Variants in LOC400499 observed in about 807,000 individuals in gnomAD.
chr16:11,523,349 T>C, the LOC400499 span: 398 of 398,556 alleles, frequency 1.0e-3, no homozygotes, highest in African/African-American at 4.5e-3. Context: ...TTCACTCCCA[T>C]TGGGCCCTGT....
the LOC400499 span, among the ~76,000 whole-genome samples, chr16:11,507,721 C>T: frequency 1.3e-5 from 2 of 152,102 alleles, no homozygotes; most frequent in African/African-American, 2.4e-5. Flanking sequence ...TGTTTGTGTC[C>T]AGAAGTTCAA....
the LOC400499 span, among the ~76,000 whole-genome samples, chr16:11,486,093 C>T: frequency 0.42 from 59,142 of 139,966 alleles, 13,593 homozygotes; most frequent in African/African-American, 0.65. Flanking sequence ...GATGGATGGA[C>T]GGATAGATGG....
the LOC400499 span, chr16:11,383,647 T>G: frequency 1.6e-6 from 2 of 1,232,028 alleles, no homozygotes; most frequent in Non-Finnish European, 2.0e-6. Context: ...CTTACCACAC[T>G]GTGGAGGAGG....
the LOC400499 span, among the ~76,000 whole-genome samples, chr16:11,463,177 C>A: frequency 1.3e-5 from 2 of 152,198 alleles, no homozygotes; most frequent in African/African-American, 4.8e-5. Context: ...CACGGCCCCG[C>A]AAAGAAGATT....
the LOC400499 span, among the ~76,000 whole-genome samples, chr16:11,483,006 T>C: frequency 6.6e-6 from 1 of 151,974 alleles, no homozygotes; most frequent in East Asian, 1.9e-4. Flanking sequence ...AGCAAAAGAT[T>C]TGAATGTACA....
chr16:11,456,838 G>A, the LOC400499 span: 1 of 1,536,178 alleles, frequency 6.5e-7, no homozygotes, highest in South Asian at 1.2e-5. Flanking sequence ...TAGCCAAGGA[G>A]GCCCCACAGC....
chr16:11,487,286 C>G, the LOC400499 span: 18 of 398,886 alleles, frequency 4.5e-5, no homozygotes, highest in Non-Finnish European at 8.0e-5. Context: ...AGGCACGGCC[C>G]ATGGTGTGGA....
At chr16:11,487,311 G>A in the LOC400499 span, 6 of 399,208 alleles carry the variant, frequency 1.5e-5, no homozygotes, top group Non-Finnish European at 2.2e-5. Context: ...CAGGTTGACT[G>A]TGGCAGAACG....
chr16:11,377,415 CTT>C, the LOC400499 span, among the ~76,000 whole-genome samples: 1 of 152,152 alleles, frequency 6.6e-6, no homozygotes, highest in African/African-American at 2.4e-5. Flanking sequence ...TCTTGGAAAA[CTT>C]TGTCTTCATC....
the LOC400499 span, among the ~76,000 whole-genome samples, chr16:11,410,044 T>G: frequency 6.6e-6 from 1 of 152,186 alleles, no homozygotes; most frequent in South Asian, 2.1e-4. Context: ...CTCCAGAGGC[T>G]GAGGCAGGAG....
chr16:11,423,735 G>C, the LOC400499 span, among the ~76,000 whole-genome samples: 2 of 152,206 alleles, frequency 1.3e-5, no homozygotes, highest in Non-Finnish European at 2.9e-5. Context: ...ACAGCTGCGG[G>C]TGTGAGGCTT....
chr16:11,421,042 T>C, the LOC400499 span, among the ~76,000 whole-genome samples: 1 of 152,150 alleles, frequency 6.6e-6, no homozygotes, highest in South Asian at 2.1e-4. Context: ...CCATCCACCC[T>C]GGGCCACACC....
At chr16:11,446,726 G>A in the LOC400499 span, 2 of 1,534,016 alleles carry the variant, frequency 1.3e-6, no homozygotes, top group African/African-American at 1.4e-5. Context: ...CCCCTTCCGG[G>A]CTATGCCCCA....
At chr16:11,447,925 C>G in the LOC400499 span, 1 of 1,532,684 alleles carries the variant, frequency 6.5e-7, no homozygotes, top group East Asian at 2.4e-5. Flanking sequence ...GCAGAAGGGG[C>G]GCACATACCT....
At chr16:11,447,781 G>A in the LOC400499 span, among the ~76,000 whole-genome samples, 5 of 152,088 alleles carry the variant, frequency 3.3e-5, no homozygotes, top group Admixed American at 2.0e-4. Context: ...AGGGGAGGTG[G>A]CTCTTCTCTG....
the LOC400499 span, among the ~76,000 whole-genome samples, chr16:11,506,875 C>T: frequency 3.3e-5 from 5 of 152,318 alleles, no homozygotes; most frequent in East Asian, 7.7e-4. Flanking sequence ...TCAGCCCTCC[C>T]GGGGGCCCAG....
the LOC400499 span, among the ~76,000 whole-genome samples, chr16:11,480,611 C>T: frequency 6.6e-6 from 1 of 152,056 alleles, no homozygotes; most frequent in Non-Finnish European, 1.5e-5. Context: ...TAAGAAAATA[C>T]TCAAGTGACA....
chr16:11,430,385 G>C, the LOC400499 span, among the ~76,000 whole-genome samples: 16 of 152,244 alleles, frequency 1.1e-4, no homozygotes, highest in South Asian at 3.1e-3. Context: ...AGCTACTCGG[G>C]AGGCTGAGGC....
chr16:11,427,076 G>A, the LOC400499 span, among the ~76,000 whole-genome samples: 2 of 151,854 alleles, frequency 1.3e-5, no homozygotes, highest in African/African-American at 4.8e-5. Flanking sequence ...AGCAGTGCTT[G>A]GCCAGGCGCA....
Sources: gnomAD v4.1 joint callset for allele counts (sites outside exome capture counted in the v4.1 genomes callset) on GRCh38, gnomAD v4.1.1 for gene constraint, MANE v1.5 for transcripts.